NUBPL: variants seen among roughly 807,000 people sequenced by gnomAD.
NUBPL encodes NUBP iron-sulfur cluster assembly factor, mitochondrial.
A neutral mutation model predicts 45.7 loss-of-function variants in NUBPL; 31 were observed. That is an observed-to-expected ratio of 0.68 (90% CI 0.51 to 0.92). The LOEUF is 0.92. Among genes scored for constraint, NUBPL ranks in the 40% least tolerant of loss-of-function variants. The pLI is 0.00. For synonymous variants in NUBPL, 144 were observed against 140.9 expected (o/e 1.02, Z -0.15); for missense variants, 401 against 398.7 (o/e 1.01, Z -0.05).
chr14:31,687,425 TTATGCATACAAAACTTACACAC>T (rs1409323633), intron 6 of NUBPL, among the ~76,000 whole-genome samples: 6 of 152,200 alleles, frequency 3.9e-5, no homozygotes, highest in Non-Finnish European at 8.8e-5. Context: ...TTATCAAAAC[TTATGCATACAAAACTTACACAC>T]TGTGCATGGT....
chr14:31,604,052 G>A (rs1325199795), intron 4 of NUBPL, among the ~76,000 whole-genome samples: 1 of 151,586 alleles, frequency 6.6e-6, no homozygotes, highest in Non-Finnish European at 1.5e-5. Flanking sequence ...ATAAACACTC[G>A]AAGTGAACTT....
intron 7 of NUBPL, among the ~76,000 whole-genome samples, chr14:31,809,445 A>G (rs568308294): frequency 6.3e-4 from 96 of 152,068 alleles, no homozygotes; most frequent in Middle Eastern, 6.8e-3. Flanking sequence ...TTGTATTTCT[A>G]TGGGATTGGT....
At chr14:31,817,164 A>G (rs1201127106) in intron 7 of NUBPL, among the ~76,000 whole-genome samples, 2 of 151,148 alleles carry the variant, frequency 1.3e-5, no homozygotes, top group Non-Finnish European at 2.9e-5. Context: ...AAAGCCTTCC[A>G]GAAACATGTG....
intron 1 of NUBPL, 71 bp downstream of exon 1, chr14:31,561,618 C>A: frequency 1.9e-6 from 2 of 1,035,576 alleles, no homozygotes; most frequent in Non-Finnish European, 2.6e-6. Context: ...GATGCCCTGG[C>A]ATTGCTTCTT....
intron 7 of NUBPL, 59 bp from the exon 8 acceptor site, chr14:31,826,569 TG>T: frequency 6.9e-7 from 1 of 1,454,680 alleles, no homozygotes; most frequent in Non-Finnish European, 9.6e-7. Context: ...AACATAATGC[TG>T]GAAGTAATTT....
chr14:31,792,086 CAG>C (rs1295607381), intron 7 of NUBPL, among the ~76,000 whole-genome samples: 1 of 152,154 alleles, frequency 6.6e-6, no homozygotes, highest in Non-Finnish European at 1.5e-5. Flanking sequence ...TTCATTTTGA[CAG>C]AGTTTAAAGC....
At position 31,671,308 on chromosome 14, in the gene NUBPL, G is replaced by A. The variant is rs558686470; in HGVS notation, c.383-2047G>A. On this transcript the variant is annotated intron_variant, in intron 4 of 10. Coordinates refer to ENST00000281081, the MANE Select transcript of NUBPL (RefSeq NM_025152.3). Reference sequence around the variant, plus strand: ...GACATTTAGGTTGATTTCATATCTTGACTATTGCGAATAGTGCTGCAGTAA... The same window carrying A: ...GACATTTAGGTTGATTTCATATCTTAACTATTGCGAATAGTGCTGCAGTAA... Among the ~76,000 whole-genome samples the A allele has an allele frequency of 3.2e-4, 48 of 152,240 alleles. 1 individual carries two copies. In the Middle Eastern group the frequency reaches 0.01, roughly 32 times the overall value.
chr14:31,762,797 T>C (rs12431637), intron 6 of NUBPL, among the ~76,000 whole-genome samples: 50,022 of 151,578 alleles, frequency 0.33, 8,509 homozygotes, highest in South Asian at 0.41. Flanking sequence ...TTTTTTCTAA[T>C]GAAAAAACAT....
intron 6 of NUBPL, among the ~76,000 whole-genome samples, chr14:31,695,618 G>C (rs35427690): frequency 1.3e-5 from 2 of 151,962 alleles, no homozygotes; most frequent in African/African-American, 4.8e-5. Flanking sequence ...GTGTATTGTT[G>C]TATAGTGAGC....
intron 4 of NUBPL, among the ~76,000 whole-genome samples, chr14:31,667,250 TATC>T (rs1213319569): frequency 6.6e-6 from 1 of 152,076 alleles, no homozygotes; most frequent in Non-Finnish European, 1.5e-5. Context: ...GTCCTTTCCT[TATC>T]ATTCTTTTTT....
chr14:31,831,002 A>G (rs1249704929), intron 8 of NUBPL, among the ~76,000 whole-genome samples: 1 of 152,114 alleles, frequency 6.6e-6, no homozygotes, highest in East Asian at 1.9e-4. Context: ...AGATTAAACA[A>G]AAAGCTTTTC....
chr14:31,805,036 T>C (rs1450770135), intron 7 of NUBPL, among the ~76,000 whole-genome samples: 1 of 151,778 alleles, frequency 6.6e-6, no homozygotes, highest in Non-Finnish European at 1.5e-5. Context: ...AAACTATGCA[T>C]CTGAAAAGGT....
chr14:31,837,913 C>G (rs1033463206), intron 8 of NUBPL, among the ~76,000 whole-genome samples: 1 of 152,186 alleles, frequency 6.6e-6, no homozygotes, highest in Non-Finnish European at 1.5e-5. Flanking sequence ...TCCGAATCTT[C>G]CTTTCACTGT....
intron 7 of NUBPL, among the ~76,000 whole-genome samples, chr14:31,814,805 A>T (rs1027118742): frequency 2.6e-5 from 4 of 152,128 alleles, no homozygotes; most frequent in Admixed American, 6.5e-5. Flanking sequence ...TCCTTTCCCC[A>T]TTGCTGGTTT....
At chr14:31,853,087 GTTTTGTTT>G (rs1566599749) in intron 10 of NUBPL, among the ~76,000 whole-genome samples, 2,600 of 110,528 alleles carry the variant, frequency 0.024, 71 homozygotes, top group African/African-American at 0.12. Flanking sequence ...GTTGTGTTTT[GTTTTGTTT>G]TGTTTTGTTT....
At chr14:31,730,622 CCTGA>C (rs1337211403) in intron 6 of NUBPL, among the ~76,000 whole-genome samples, 1 of 152,014 alleles carries the variant, frequency 6.6e-6, no homozygotes, top group Non-Finnish European at 1.5e-5. Flanking sequence ...CACCACTATG[CCTGA>C]CTAATTTTTT....
chr14:31,840,408 C>A (rs957767778), intron 8 of NUBPL, among the ~76,000 whole-genome samples: 2 of 151,946 alleles, frequency 1.3e-5, no homozygotes, highest in Admixed American at 1.3e-4. Context: ...CCCATCTCTA[C>A]TAGAAATACA....
chr14:31,722,302 G>A (rs921378959), intron 6 of NUBPL, among the ~76,000 whole-genome samples: 11 of 152,050 alleles, frequency 7.2e-5, no homozygotes, highest in African/African-American at 2.2e-4. Context: ...AAGCCACCAC[G>A]CCCGGCCATG....
intron 4 of NUBPL, among the ~76,000 whole-genome samples, chr14:31,626,004 A>G (rs1362061404): frequency 6.6e-6 from 1 of 152,092 alleles, no homozygotes; most frequent in Non-Finnish European, 1.5e-5. Context: ...TGGAAAGATC[A>G]TGTTTATCTT....
Sources: gnomAD v4.1 joint callset for allele counts (sites outside exome capture counted in the v4.1 genomes callset) on GRCh38, gnomAD v4.1.1 for gene constraint, MANE v1.5 for transcripts, NCBI Gene and HGNC (gene_info 2026-07-23, HGNC 2026-07-21) for gene names.